C1QTNF3: variants seen among roughly 807,000 people sequenced by gnomAD.
C1QTNF3 encodes complement C1q tumor necrosis factor-related protein 3.
A neutral mutation model predicts 32.6 loss-of-function variants in C1QTNF3; 26 were observed. The ratio of observed to expected loss-of-function variants is 0.80; its 90% CI spans 0.58 to 1.11. C1QTNF3 has a LOEUF of 1.11. Among genes scored for constraint, C1QTNF3 ranks in the 50% least tolerant of loss-of-function variants. The probability of loss-of-function intolerance (pLI) is 0.00; values close to 1 mark genes in which losing one functional copy is unlikely to be tolerated. For synonymous variants in C1QTNF3, 155 were observed against 146.0 expected, an observed-to-expected ratio of 1.06 and a Z score of -0.44; for missense variants, 362 against 398.2, an observed-to-expected ratio of 0.91 and a Z score of 0.77.
chr5:34,102,530 C>T, the C1QTNF3 span, among the ~76,000 whole-genome samples: 1 of 151,730 alleles, frequency 6.6e-6, no homozygotes, highest in South Asian at 2.1e-4. Flanking sequence ...TAAACATCAT[C>T]ATCAGGGTCA....
chr5:34,167,912 A>G, the C1QTNF3 span: 1 of 152,074 alleles, frequency 6.6e-6, no homozygotes. Flanking sequence ...TCACTTTGCT[A>G]TGTGGATGGG....
chr5:34,056,446 GTGTGTGTGTATATA>G, the C1QTNF3 span, among the ~76,000 whole-genome samples: 2 of 38,516 alleles, frequency 5.2e-5, no homozygotes, highest in Non-Finnish European at 1.0e-4. Flanking sequence ...GTGTGTGTGT[GTGTGTGTGTATATA>G]TATATATATA....
the C1QTNF3 span, among the ~76,000 whole-genome samples, chr5:34,225,320 C>A: frequency 6.6e-6 from 1 of 151,968 alleles, no homozygotes; most frequent in Non-Finnish European, 1.5e-5. Context: ...AGAGAATCTG[C>A]ACTAACATTG....
the C1QTNF3 span, among the ~76,000 whole-genome samples, chr5:34,212,953 C>T: frequency 1.3e-5 from 2 of 152,014 alleles, no homozygotes; most frequent in African/African-American, 4.8e-5. Context: ...GACACATGCA[C>T]ACGTATGTTT....
intron 4 of C1QTNF3, among the ~76,000 whole-genome samples, chr5:34,028,331 G>A (rs1754529465): frequency 6.6e-6 from 1 of 152,104 alleles, no homozygotes; most frequent in Admixed American, 6.5e-5. Context: ...AAAAAAATAG[G>A]ATCAGGCACT....
the C1QTNF3 span, among the ~76,000 whole-genome samples, chr5:34,068,773 A>G: frequency 5.3e-5 from 8 of 152,180 alleles, no homozygotes; most frequent in African/African-American, 1.9e-4. Flanking sequence ...ACTGTTATCA[A>G]ACTTGTGGTT....
chr5:34,175,881 C>T, the C1QTNF3 span: 18 of 800,942 alleles, frequency 2.2e-5, no homozygotes, highest in South Asian at 4.1e-5. Flanking sequence ...GTATTTTCTG[C>T]GTTTTTGATT....
chr5:34,076,126 G>T, the C1QTNF3 span, among the ~76,000 whole-genome samples: 1 of 151,636 alleles, frequency 6.6e-6, no homozygotes, highest in South Asian at 2.1e-4. Flanking sequence ...ATGCAGTAGA[G>T]AATTGTATGG....
At chr5:34,163,282 G>A in the C1QTNF3 span, among the ~76,000 whole-genome samples, 10 of 152,010 alleles carry the variant, frequency 6.6e-5, no homozygotes, top group Non-Finnish European at 1.3e-4. Context: ...ACCCCCCCAT[G>A]ACATGTGTTT....
the C1QTNF3 span, among the ~76,000 whole-genome samples, chr5:34,199,535 TAG>T: frequency 3.5e-5 from 5 of 142,628 alleles, no homozygotes; most frequent in Admixed American, 7.1e-5. Context: ...TCAGGACAGC[TAG>T]GGAAGTGAGT....
chr5:34,113,346 C>T, the C1QTNF3 span, among the ~76,000 whole-genome samples: 1 of 150,686 alleles, frequency 6.6e-6, no homozygotes, highest in South Asian at 2.1e-4. Context: ...ATTCGGTGAA[C>T]AAGCATATCA....
the C1QTNF3 span, among the ~76,000 whole-genome samples, chr5:34,107,492 T>C: frequency 6.6e-6 from 1 of 152,102 alleles, no homozygotes; most frequent in East Asian, 1.9e-4. Context: ...CAACTAACAT[T>C]TTTATAATTC....
At chr5:34,211,605 T>C in the C1QTNF3 span, among the ~76,000 whole-genome samples, 7 of 141,040 alleles carry the variant, frequency 5.0e-5, no homozygotes, top group Admixed American at 7.9e-5. Flanking sequence ...CGTGTTCTCA[T>C]TGTTCAATTC....
chr5:34,045,248 C>G (rs1008413036), upstream of C1QTNF3, among the ~76,000 whole-genome samples: 1 of 152,200 alleles, frequency 6.6e-6, no homozygotes, highest in Non-Finnish European at 1.5e-5. Context: ...TTGAGACTTT[C>G]CATTCGTGTT....
chr5:34,054,932 T>C, the C1QTNF3 span, among the ~76,000 whole-genome samples: 1 of 152,292 alleles, frequency 6.6e-6, no homozygotes, highest in African/African-American at 2.4e-5. Context: ...CAATTAAGGA[T>C]TTGAATGTCA....
chr5:34,222,336 G>C, the C1QTNF3 span, among the ~76,000 whole-genome samples: 10 of 151,846 alleles, frequency 6.6e-5, no homozygotes, highest in East Asian at 1.7e-3. Context: ...GTTGTATTTG[G>C]TTGAATTTTT....
chr5:34,124,489 G>A, the C1QTNF3 span: 1 of 715,184 alleles, frequency 1.4e-6, no homozygotes, highest in Non-Finnish European at 2.6e-6. Flanking sequence ...CCGTCACGAT[G>A]AGACCAGGAG....
chr5:34,136,340 G>A, the C1QTNF3 span, among the ~76,000 whole-genome samples: 3 of 151,340 alleles, frequency 2.0e-5, no homozygotes, highest in African/African-American at 7.4e-5. Context: ...GTGGGCAAAG[G>A]AAACGAACAG....
At chr5:34,050,701 A>C in the C1QTNF3 span, among the ~76,000 whole-genome samples, 1 of 152,340 alleles carries the variant, frequency 6.6e-6, no homozygotes, top group East Asian at 1.9e-4. Flanking sequence ...CCTATGACAT[A>C]TAAGTTCTGG....
Sources: allele counts gnomAD v4.1 joint callset (sites outside exome capture counted in the v4.1 genomes callset), GRCh38; gene constraint gnomAD v4.1.1; transcripts MANE v1.5; gene names NCBI Gene and HGNC (gene_info 2026-07-23, HGNC 2026-07-21).